Variants in DCC observed in about 807,000 individuals in gnomAD.
DCC encodes the protein DCC netrin 1 receptor, also known as netrin receptor DCC.
A neutral mutation model predicts 172.5 loss-of-function variants in DCC; 58 were observed. That is an observed-to-expected ratio of 0.34 (90% confidence interval 0.27 to 0.42). The LOEUF is 0.42. Among genes scored for constraint, DCC ranks in the 10% least tolerant of loss-of-function variants. The probability of loss-of-function intolerance (pLI) is 1.00; values close to 1 mark genes in which losing one functional copy is unlikely to be tolerated. For missense variants in DCC, 1,740 were observed against 1,791.0 expected, an observed-to-expected ratio of 0.97 and a Z score of 0.51; for synonymous variants, 709 against 644.5, an observed-to-expected ratio of 1.10 and a Z score of -1.52.
chr18:52,930,091 T>C (rs2040284121), intron 5 of DCC, among the ~76,000 whole-genome samples: 1 of 152,010 alleles, frequency 6.6e-6, no homozygotes, highest in South Asian at 2.1e-4. Context: ...TGGACCAAAT[T>C]TGGCTATTTA....
chr18:52,545,943 T>C (rs2144713157), intron 1 of DCC, among the ~76,000 whole-genome samples: 1 of 152,318 alleles, frequency 6.6e-6, no homozygotes, highest in South Asian at 2.1e-4. Context: ...CTAAATGCAG[T>C]CAGGAGTAAA....
At chr18:52,342,464 T>TG (rs1338855313) in intron 1 of DCC, among the ~76,000 whole-genome samples, 20 of 4,016 alleles carry the variant, frequency 5.0e-3, no homozygotes, top group Admixed American at 0.034. Context: ...TGGGTGGGGG[T>TG]GGGGGGGTGG....
chr18:52,990,749 T>C (rs2041376510), intron 5 of DCC, among the ~76,000 whole-genome samples: 1 of 152,118 alleles, frequency 6.6e-6, no homozygotes, highest in East Asian at 1.9e-4. Context: ...TTGTGTTAAA[T>C]TGTGTAAAAG....
intron 12 of DCC, among the ~76,000 whole-genome samples, chr18:53,223,359 T>C (rs532246460): frequency 7.2e-5 from 11 of 152,312 alleles, no homozygotes; most frequent in African/African-American, 2.6e-4. Flanking sequence ...CATTCTCTTT[T>C]GAGTTCTAGC....
intron 1 of DCC, chr18:52,419,729 C>G (rs994915303): frequency 6.6e-6 from 1 of 152,076 alleles, no homozygotes. Context: ...TAATGTGGAA[C>G]CTGAAATTCA....
At chr18:53,207,235 A>C (rs1341756594) in intron 10 of DCC, among the ~76,000 whole-genome samples, 4 of 152,292 alleles carry the variant, frequency 2.6e-5, no homozygotes, top group Non-Finnish European at 1.5e-5. Flanking sequence ...TTGGGAGATA[A>C]AAATTGTGGC....
At chr18:52,562,336 A>G (rs1205289762) in intron 1 of DCC, among the ~76,000 whole-genome samples, 2 of 152,208 alleles carry the variant, frequency 1.3e-5, no homozygotes, top group African/African-American at 4.8e-5. Flanking sequence ...GGTAACAGAC[A>G]TGAATTTTAT....
intron 27 of DCC, among the ~76,000 whole-genome samples, chr18:53,524,884 TC>T (rs2046438085): frequency 6.6e-6 from 1 of 152,028 alleles, no homozygotes; most frequent in South Asian, 2.1e-4. Flanking sequence ...ACTTATTTTG[TC>T]TTTATTTTGG....
intron 12 of DCC, among the ~76,000 whole-genome samples, chr18:53,278,624 T>C (rs954543674): frequency 6.6e-6 from 1 of 152,172 alleles, no homozygotes; most frequent in African/African-American, 2.4e-5. Context: ...GAAAGCCTAT[T>C]GATGTGACTT....
At chr18:52,701,684 G>A (rs1224010104) in intron 1 of DCC, among the ~76,000 whole-genome samples, 1 of 145,930 alleles carries the variant, frequency 6.9e-6, no homozygotes, top group Non-Finnish European at 1.5e-5. Flanking sequence ...TCTACCATGA[G>A]GCACAGAATT....
In DCC at chr18:53,367,887, T is replaced by C. The variant is rs144083359; in HGVS notation, c.2360-18156T>C. ...TTCCTTCTTTTTAAAGGCTGAATAATATTTCATTGTATATTGTACCTCATA... is the reference window on the plus strand; with the variant it reads ...TTCCTTCTTTTTAAAGGCTGAATAACATTTCATTGTATATTGTACCTCATA... On this transcript the variant is annotated intron_variant, in intron 15 of 28. Transcript: ENST00000442544. Among the ~76,000 whole-genome samples, 3 of 152,318 alleles carry C rather than the reference T, an allele frequency of 2.0e-5. No homozygotes were observed. In the East Asian group the frequency reaches 5.8e-4, roughly 29 times the overall value.
intron 1 of DCC, among the ~76,000 whole-genome samples, chr18:52,671,762 C>G (rs1434824991): frequency 6.6e-6 from 1 of 151,974 alleles, no homozygotes; most frequent in Non-Finnish European, 1.5e-5. Flanking sequence ...TCTCGAACTC[C>G]TGACCTCAAG....
chr18:53,016,516 C>T (rs2041809372), intron 5 of DCC, among the ~76,000 whole-genome samples: 1 of 151,896 alleles, frequency 6.6e-6, no homozygotes. Context: ...AAACTGAAAA[C>T]GTCTGTTATG....
chr18:52,587,308 A>T (rs926830035), intron 1 of DCC, among the ~76,000 whole-genome samples: 1 of 152,148 alleles, frequency 6.6e-6, no homozygotes, highest in East Asian at 1.9e-4. Flanking sequence ...CCCTACTACC[A>T]TGGCCACTTT....
chr18:52,909,694 T>C (rs1276489513), intron 3 of DCC, among the ~76,000 whole-genome samples: 2 of 152,174 alleles, frequency 1.3e-5, no homozygotes, highest in Non-Finnish European at 2.9e-5. Flanking sequence ...CCAGTTTCAC[T>C]TTATTCATTA....
intron 1 of DCC, among the ~76,000 whole-genome samples, chr18:52,670,204 A>G (rs1016646791): frequency 6.6e-6 from 1 of 152,214 alleles, no homozygotes; most frequent in Admixed American, 6.5e-5. Flanking sequence ...GTGTATTTTC[A>G]TATAAAAGAT....
Position 52,799,816 on chromosome 18 carries a change from T to G in DCC, c.412+47442T>G, listed in dbSNP as rs9950851. On this transcript the variant is annotated intron_variant, in intron 2 of 28. Coordinates refer to ENST00000442544, the MANE Select transcript of DCC (RefSeq NM_005215.4). ...TGTTTTATCTGTTAATAACTAGCAA[T>G]ATAATAATAATGCCTATTATAATTG... is the stretch of plus-strand genomic sequence containing the variant. Among the ~76,000 whole-genome samples, 834 of 152,306 alleles carry G rather than the reference T, an allele frequency of 5.5e-3. 7 individuals are homozygous for G. The highest frequency in any genetic ancestry group is 0.019 in the African/African-American group (770 of 41,572).
chr18:53,257,232 A>G (rs1214439725), intron 12 of DCC, among the ~76,000 whole-genome samples: 1 of 152,214 alleles, frequency 6.6e-6, no homozygotes, highest in African/African-American at 2.4e-5. Flanking sequence ...TGCCCTGGCC[A>G]GAACTTCCAA....
chr18:52,915,957 G>T (rs1346159087), intron 3 of DCC, among the ~76,000 whole-genome samples: 1 of 151,920 alleles, frequency 6.6e-6, no homozygotes, highest in Non-Finnish European at 1.5e-5. Context: ...TGCTTTCAGG[G>T]GATCTGCGAG....
Sources: allele counts gnomAD v4.1 joint callset (sites outside exome capture counted in the v4.1 genomes callset), GRCh38; gene constraint gnomAD v4.1.1; transcripts MANE v1.5; gene names NCBI Gene and HGNC (gene_info 2026-07-23, HGNC 2026-07-21).